Variants in SPAG16 observed in about 807,000 individuals in gnomAD.
SPAG16 encodes sperm-associated antigen 16 protein.
Under a neutral mutation model 80.4 loss-of-function variants are expected in SPAG16, and 86 were observed. That is an observed-to-expected ratio of 1.07 (90% CI 0.90 to 1.28). The LOEUF is 1.28. Among genes scored for constraint, SPAG16 ranks in the 50% most tolerant of loss-of-function variants. The pLI is 0.00. For synonymous variants in SPAG16, 294 were observed against 265.9 expected, an observed-to-expected ratio of 1.11 and a Z score of -1.03; for missense variants, 870 against 765.3, an observed-to-expected ratio of 1.14 and a Z score of -1.61.
intron 15 of SPAG16, among the ~76,000 whole-genome samples, chr2:214,154,038 TATA>T (rs1004358237): frequency 1.1e-4 from 17 of 152,298 alleles, no homozygotes; most frequent in Non-Finnish European, 2.1e-4. Flanking sequence ...CTCCTGGTAA[TATA>T]ATGCTACACA....
chr2:214,230,826 T>C (rs556100812), intron 15 of SPAG16, among the ~76,000 whole-genome samples: 3 of 151,930 alleles, frequency 2.0e-5, no homozygotes, highest in African/African-American at 7.2e-5. Flanking sequence ...ATTACAGAAA[T>C]AGCAAGCAGT....
intron 10 of SPAG16, among the ~76,000 whole-genome samples, chr2:213,703,835 C>T (rs549241361): frequency 1.3e-5 from 2 of 152,334 alleles, no homozygotes; most frequent in East Asian, 1.9e-4. Flanking sequence ...CTGGCAGATA[C>T]GTTGTCAGAT....
intron 15 of SPAG16, among the ~76,000 whole-genome samples, chr2:214,277,792 C>T (rs1024291930): frequency 6.6e-6 from 1 of 152,174 alleles, no homozygotes; most frequent in Non-Finnish European, 1.5e-5. Context: ...GCAGTCTGTC[C>T]GTTCTCAGAG....
chr2:213,638,091 T>A (rs920149452), intron 10 of SPAG16, among the ~76,000 whole-genome samples: 6 of 152,192 alleles, frequency 3.9e-5, no homozygotes, highest in Non-Finnish European at 5.9e-5. Flanking sequence ...GGTTATAGTA[T>A]CTCCCATTTC....
chr2:214,097,668 T>A (rs1473118369), intron 13 of SPAG16, among the ~76,000 whole-genome samples: 1 of 151,982 alleles, frequency 6.6e-6, no homozygotes, highest in Non-Finnish European at 1.5e-5. Flanking sequence ...GCAATGTGTG[T>A]GTGTGTGCGT....
chr2:213,310,546 C>T (rs10498004), intron 4 of SPAG16, among the ~76,000 whole-genome samples: 32,950 of 151,588 alleles, frequency 0.22, 4,408 homozygotes, highest in Non-Finnish European at 0.31. Flanking sequence ...AGAGTATTTC[C>T]TGTATTTAGA....
chr2:214,004,812 G>A (rs116284860), intron 12 of SPAG16, among the ~76,000 whole-genome samples: 3,756 of 152,124 alleles, frequency 0.025, 150 homozygotes, highest in African/African-American at 0.086. Context: ...GATTTTATAG[G>A]CCAAGCATGA....
chr2:213,714,882 A>G (rs2066162195), intron 10 of SPAG16, among the ~76,000 whole-genome samples: 1 of 152,226 alleles, frequency 6.6e-6, no homozygotes, highest in Non-Finnish European at 1.5e-5. Flanking sequence ...AGTGCCAGAC[A>G]TCGGGAACCC....
chr2:213,770,771 A>G (rs766861437), intron 10 of SPAG16, among the ~76,000 whole-genome samples: 137 of 152,188 alleles, frequency 9.0e-4, no homozygotes, highest in Non-Finnish European at 1.5e-3. Context: ...AGCTCCATCC[A>G]TGTCCCTGCA....
intron 11 of SPAG16, among the ~76,000 whole-genome samples, chr2:213,888,522 TTTAA>T (rs1439656726): frequency 1.3e-4 from 19 of 151,530 alleles, no homozygotes; most frequent in African/African-American, 2.2e-4. Flanking sequence ...CAAATAAATA[TTTAA>T]TAAATAAATA....
intron 12 of SPAG16, among the ~76,000 whole-genome samples, chr2:213,937,533 A>G (rs2079038143): frequency 6.6e-6 from 1 of 152,042 alleles, no homozygotes; most frequent in African/African-American, 2.4e-5. Flanking sequence ...AGTACATTCA[A>G]ATGAATTGTT....
At chr2:214,086,325 A>G (rs1402608799) in intron 13 of SPAG16, among the ~76,000 whole-genome samples, 2 of 152,174 alleles carry the variant, frequency 1.3e-5, no homozygotes, top group African/African-American at 4.8e-5. Flanking sequence ...ATGATAATTT[A>G]TTATGTACCA....
chr2:214,095,768 A>C (rs1559786656), intron 13 of SPAG16, among the ~76,000 whole-genome samples: 2 of 151,164 alleles, frequency 1.3e-5, no homozygotes. Context: ...AGTTTTGGAG[A>C]TCTGTTGTAC....
chr2:213,768,471 A>G (rs1435715677), intron 10 of SPAG16, among the ~76,000 whole-genome samples: 1 of 152,198 alleles, frequency 6.6e-6, no homozygotes, highest in East Asian at 1.9e-4. Context: ...TAGACTTCAC[A>G]AGACAGCACT....
intron 10 of SPAG16, among the ~76,000 whole-genome samples, chr2:213,635,545 G>T (rs375506042): frequency 4.6e-5 from 7 of 152,098 alleles, no homozygotes; most frequent in African/African-American, 1.7e-4. Context: ...GTGTAAAAGT[G>T]TTCACTTTTC....
At chr2:213,455,181 A>G (rs765939420) in intron 9 of SPAG16, among the ~76,000 whole-genome samples, 7 of 152,244 alleles carry the variant, frequency 4.6e-5, no homozygotes, top group Admixed American at 2.6e-4. Context: ...AAGTTCTCTC[A>G]TCATTAATGA....
chr2:213,833,350 C>T (rs2073782170), intron 10 of SPAG16, among the ~76,000 whole-genome samples: 1 of 134,116 alleles, frequency 7.5e-6, no homozygotes. Flanking sequence ...CCTGGTATAA[C>T]CATATTTTAT....
chr2:213,610,584 C>G (rs550582370), intron 10 of SPAG16, among the ~76,000 whole-genome samples: 2 of 152,146 alleles, frequency 1.3e-5, no homozygotes, highest in East Asian at 1.9e-4. Context: ...AATCCAGACC[C>G]CAAAAGAGAG....
At chr2:214,156,448 C>T (rs1358429366) in intron 15 of SPAG16, among the ~76,000 whole-genome samples, 2 of 152,064 alleles carry the variant, frequency 1.3e-5, no homozygotes, top group African/African-American at 4.8e-5. Context: ...GCCTGGTCTG[C>T]TTAAAAATAA....
Sources: allele counts gnomAD v4.1 joint callset (sites outside exome capture counted in the v4.1 genomes callset), GRCh38; gene constraint gnomAD v4.1.1; transcripts MANE v1.5; gene names NCBI Gene and HGNC (gene_info 2026-07-23, HGNC 2026-07-21).